KDM3B: variants seen among roughly 807,000 people sequenced by gnomAD.
KDM3B encodes the protein lysine-specific demethylase 3B.
In KDM3B, 10 loss-of-function variants were observed where a neutral mutation model predicts 170.0. The observed-to-expected ratio is 0.06, with a 90% CI of 0.04 to 0.10. The LOEUF (loss-of-function observed/expected upper bound fraction) is 0.10, where lower values mean the gene tolerates loss of function less well. KDM3B is among the 10% of genes least tolerant of loss of function. The probability of loss-of-function intolerance (pLI) is 1.00; values close to 1 mark genes in which losing one functional copy is unlikely to be tolerated. For missense variants in KDM3B, 1,394 were observed against 2,195.2 expected, an observed-to-expected ratio of 0.64 and a Z score of 7.29; for synonymous variants, 831 against 834.8, an observed-to-expected ratio of 1.00 and a Z score of 0.08.
chr5:138,362,965 A>C (rs895928755), intron 1 of KDM3B, among the ~76,000 whole-genome samples: 1 of 151,458 alleles, frequency 6.6e-6, no homozygotes, highest in African/African-American at 2.4e-5. Context: ...TTCTATAGAA[A>C]TATAAGAAAA....
chr5:138,395,639 C>T (rs189503421), intron 9 of KDM3B, among the ~76,000 whole-genome samples: 2 of 151,792 alleles, frequency 1.3e-5, no homozygotes, highest in East Asian at 1.9e-4. Flanking sequence ...TTTTTTGAGA[C>T]GGAGTCTTGC....
Position 138,392,111 on chromosome 5 carries a change from C to G in KDM3B, c.2479C>G (p.Gln827Glu). Residue 827 changes from glutamine (Q) to glutamate (E), a missense_variant, in exon 8 of 24, where the codon CAG (glutamine) becomes GAG (glutamate). Around this residue, in one of 19 missense-constraint regions of KDM3B, gnomAD observed 84 missense variants for 135.8 expected, o/e 0.62. Coordinates refer to ENST00000314358, the MANE Select transcript of KDM3B (RefSeq NM_016604.4). ...GTCAGATTTGAGTGACTCTGAGGAG[C>G]AGCTGCAGGCTAAGACAGGCCTGAA... The part of the protein sequence containing the change: ...DLSDLSDSEE[Q>E]LQAKTGLKGI... 6.2e-7 allele frequency: 1 copy of G among 1,607,336 alleles called. No individual in the cohort carries two copies. The highest frequency in any genetic ancestry group is 8.5e-7 in the Non-Finnish European group (1 of 1,174,482).
Position 138,371,869 on chromosome 5 carries a change from A to G in KDM3B, c.193-805A>G, listed in dbSNP as rs569787282. On this transcript the variant is annotated intron_variant, in intron 1 of 23. Coordinates refer to ENST00000314358, the MANE Select transcript of KDM3B (RefSeq NM_016604.4). ...CTGGGCACGGTGGCTCATGCCTGCA[A>G]TCCCAGACTTTGTGAGTCTGAGGTG... Among the ~76,000 whole-genome samples the G allele has an allele frequency of 7.9e-5, 12 of 152,258 alleles. No individual in the cohort carries two copies. In the South Asian group the frequency reaches 1.0e-3, roughly 13 times the overall value.
chr5:138,369,730 C>T (rs1761827844), intron 1 of KDM3B, among the ~76,000 whole-genome samples: 1 of 152,162 alleles, frequency 6.6e-6, no homozygotes, highest in South Asian at 2.1e-4. Context: ...GATCTTATGC[C>T]TCTGAATACC....
chr5:138,419,565 GA>G (rs1415368286), intron 14 of KDM3B, among the ~76,000 whole-genome samples: 1 of 147,720 alleles, frequency 6.8e-6, no homozygotes, highest in Non-Finnish European at 1.5e-5. Context: ...TGAGGCAGGA[GA>G]ATGGCATGAA....
chr5:138,378,454 A>C (rs923239419), intron 4 of KDM3B, among the ~76,000 whole-genome samples: 3 of 152,172 alleles, frequency 2.0e-5, no homozygotes, highest in Non-Finnish European at 2.9e-5. Context: ...GAAAAAAATT[A>C]TTAGCTTTCA....
At chr5:138,371,552 T>A (rs1370140054) in intron 1 of KDM3B, among the ~76,000 whole-genome samples, 1 of 152,062 alleles carries the variant, frequency 6.6e-6, no homozygotes, top group African/African-American at 2.4e-5. Flanking sequence ...ATAAATACAG[T>A]GCCTACTTAA....
At position 138,379,567 on chromosome 5, in the gene KDM3B, A is replaced by T. The variant is rs1762077252; in HGVS notation, c.581-17A>T. 1 of 1,604,736 alleles carries T rather than the reference A, an allele frequency of 6.2e-7. No individual in the cohort carries two copies. The highest frequency in any genetic ancestry group is 8.5e-7 in the Non-Finnish European group (1 of 1,176,128). On this transcript the variant is annotated splice_polypyrimidine_tract_variant and intron_variant, in intron 4 of 23. Transcript: ENST00000314358. The stretch of plus-strand genomic sequence containing the variant: ...GCTTAGCCAAAAATACTCAATACTG[A>T]CTGATCTCCCTTTTAGGTCCCTACA...
At position 138,392,077 on chromosome 5, in the gene KDM3B, C is replaced by A; in HGVS notation, c.2445C>A (p.Asn815Lys). The change falls in exon 8 of 24, where the codon AAC becomes AAA. Residue 815 changes from asparagine (N) to lysine (K), a missense_variant. By Grantham distance (94) the Asn-to-Lys change is moderately conservative. Around this residue, in one of 19 missense-constraint regions of KDM3B, gnomAD observed 84 missense variants for 135.8 expected, o/e 0.62. Transcript: ENST00000314358. The stretch of plus-strand genomic sequence containing the variant: ...GACAAGACTCGGACTCCAGCACCAA[C>A]AGTGACCTGTCAGATTTGAGTGACT... ...ACRQDSDSST[N>K]SDLSDLSDSE... 1 of 1,612,994 alleles carries A rather than the reference C, an allele frequency of 6.2e-7. No homozygotes were observed. Among genetic ancestry groups the A allele is most frequent in the Non-Finnish European group, 8.5e-7 (1 of 1,179,026 alleles).
intron 10 of KDM3B, among the ~76,000 whole-genome samples, chr5:138,398,758 A>G (rs1192966866): frequency 6.6e-6 from 1 of 152,150 alleles, no homozygotes; most frequent in Admixed American, 6.6e-5. Context: ...ATGGTGTGCT[A>G]CTAGGTGCCA....
In KDM3B at chr5:138,353,026, G is replaced by A. The variant is rs762190728; in HGVS notation, c.192+39G>A. The A allele has an allele frequency of 1.2e-4, 148 of 1,209,824 alleles. 1 individual carries two copies. In the African/African-American group the frequency reaches 2.1e-3, roughly 17 times the overall value. The allele number at this position is 1,209,824 out of a possible 1,614,324, so 74.9% of individuals were successfully genotyped here. A position where few individuals can be genotyped will look rare whatever the true frequency, so the allele number is the denominator to read the frequency against. On this transcript the variant is annotated intron_variant, in intron 1 of 23. Coordinates refer to ENST00000314358, the MANE Select transcript of KDM3B (RefSeq NM_016604.4). ...GAGTCGGGCACTCGAGGCCGGGGCT[G>A]CGGGGCCTGCGGGCGGCCTCCCCGG...
chr5:138,354,547 A>G (rs1385713343), intron 1 of KDM3B, among the ~76,000 whole-genome samples: 1 of 152,162 alleles, frequency 6.6e-6, no homozygotes, highest in Non-Finnish European at 1.5e-5. Context: ...CGTTTCCTCC[A>G]TCAGATGAAT....
chr5:138,415,096 A>T (rs1433618067), intron 11 of KDM3B, 36 bp from the exon 12 acceptor site: 2 of 1,432,700 alleles, frequency 1.4e-6, no homozygotes, highest in East Asian at 2.3e-5. Context: ...CATTTTTGTG[A>T]CCCTTATAAA....
chr5:138,427,907 T>A, intron 19 of KDM3B, 60 bp from the exon 20 acceptor site: 1 of 1,533,244 alleles, frequency 6.5e-7, no homozygotes, highest in Non-Finnish European at 9.0e-7. Context: ...AGATGTAGTG[T>A]CGACGTGGAT....
intron 18 of KDM3B, 38 bp downstream of exon 18, chr5:138,427,103 C>T (rs1188756783): frequency 6.2e-7 from 1 of 1,608,742 alleles, no homozygotes; most frequent in South Asian, 1.1e-5. Flanking sequence ...CAGAAGCCAT[C>T]ACAAAGTAAT....
intron 3 of KDM3B, among the ~76,000 whole-genome samples, 179 bp downstream of exon 3, chr5:138,375,385 TA>T (rs1309700630): frequency 2.6e-5 from 4 of 151,816 alleles, no homozygotes; most frequent in Non-Finnish European, 5.9e-5. Context: ...TTTATTTATT[TA>T]TTTTTTTTTG....
intron 13 of KDM3B, among the ~76,000 whole-genome samples, chr5:138,418,738 C>T (rs1763173848): frequency 6.6e-6 from 1 of 152,196 alleles, no homozygotes; most frequent in South Asian, 2.1e-4. Flanking sequence ...TTACAAACTT[C>T]AAGCCTTGTT....
chr5:138,352,850 GACACT>G lies in KDM3B; in HGVS notation c.56_60del (p.Asp19GlyfsTer50). The G allele has an allele frequency of 7.3e-7, 1 of 1,372,806 alleles. No individual in the cohort carries two copies. Among genetic ancestry groups the G allele is most frequent in the South Asian group, 1.6e-5 (1 of 64,400 alleles). 85.0% of individuals were successfully genotyped at this position (1,372,806 alleles called of 1,614,324 possible). Reference sequence around the variant, plus strand: ...CAAGCGGCTGCTGCTGCTGTTCGCGGACACTGCGGCCTCAGCCTCGGCCTCGGCTC... The same window carrying G: ...CAAGCGGCTGCTGCTGCTGTTCGCGGGCGGCCTCAGCCTCGGCCTCGGCTC... On this transcript the variant is annotated frameshift_variant, in exon 1 of 24. Transcript: ENST00000314358. LOFTEE classifies it high-confidence loss of function.
chr5:138,422,069 CT>C (rs1226908220), intron 15 of KDM3B, among the ~76,000 whole-genome samples: 6 of 152,198 alleles, frequency 3.9e-5, no homozygotes, highest in African/African-American at 1.4e-4. Flanking sequence ...CATCAGCTCC[CT>C]CACCTAAACC....
Sources: gnomAD v4.1 joint callset for allele counts (sites outside exome capture counted in the v4.1 genomes callset) on GRCh38, gnomAD v4.1.1 for gene constraint, gnomAD v4.1.1 regional missense constraint, MANE v1.5 for transcripts, NCBI Gene and HGNC (gene_info 2026-07-23, HGNC 2026-07-21) for gene names.